Variants in SORT1 observed in about 807,000 individuals in gnomAD.
The protein encoded by SORT1 is sortilin 1, also known as sortilin.
In SORT1, 39 loss-of-function variants were observed where a neutral mutation model predicts 101.7. That is an observed-to-expected ratio of 0.38 (90% confidence interval 0.30 to 0.50). The LOEUF (loss-of-function observed/expected upper bound fraction) is 0.50. Ranked by LOEUF, SORT1 falls within the 20% of genes least tolerant of loss-of-function variation. The pLI is 0.90. For synonymous variants in SORT1, 396 were observed against 393.7 expected (o/e 1.01, Z -0.07); for missense variants, 878 against 1,040.4 (o/e 0.84, Z 2.15).
intron 10 of SORT1, among the ~76,000 whole-genome samples, chr1:109,338,647 A>G (rs531411030): frequency 6.6e-5 from 10 of 152,172 alleles, no homozygotes; most frequent in Non-Finnish European, 1.0e-4. Context: ...ACATCTCCCA[A>G]TATAGAAGAC....
intron 11 of SORT1, among the ~76,000 whole-genome samples, chr1:109,329,987 G>A (rs1648350027): frequency 6.6e-6 from 1 of 152,142 alleles, no homozygotes; most frequent in Non-Finnish European, 1.5e-5. Context: ...ATGTAAGACT[G>A]AAATCACCTC....
At position 109,393,717 on chromosome 1, in the gene SORT1, T is replaced by C. The variant is rs114947290; in HGVS notation, c.306+3870A>G. Reference sequence around the variant, plus strand: ...GAAGAGAGCATTTATAAATGATAGCTAATTGCTGAGTGCTAATTATGTGCC... The same window carrying C: ...GAAGAGAGCATTTATAAATGATAGCCAATTGCTGAGTGCTAATTATGTGCC... On this transcript the variant is annotated intron_variant, in intron 1 of 19. Coordinates refer to ENST00000256637, the MANE Select transcript of SORT1 (RefSeq NM_002959.7). Among the ~76,000 whole-genome samples the C allele has an allele frequency of 2.8e-3, 432 of 152,354 alleles. 5 individuals are homozygous for C. Among genetic ancestry groups the C allele is most frequent in the African/African-American group, 9.9e-3 (411 of 41,590 alleles).
intron 1 of SORT1, among the ~76,000 whole-genome samples, chr1:109,396,989 GA>G (rs1329526635): frequency 1.3e-5 from 2 of 152,318 alleles, no homozygotes; most frequent in Non-Finnish European, 2.9e-5. Context: ...CTTAACTATT[GA>G]AAATCTTGTC....
intron 18 of SORT1, 114 bp from the exon 19 acceptor site, chr1:109,314,498 G>T: frequency 7.6e-7 from 1 of 1,323,874 alleles, no homozygotes; most frequent in Non-Finnish European, 1.0e-6. Context: ...GACACAGAAA[G>T]CACAGTCCAT....
intron 3 of SORT1, among the ~76,000 whole-genome samples, chr1:109,363,344 C>T (rs573355366): frequency 6.6e-6 from 1 of 152,120 alleles, no homozygotes; most frequent in Non-Finnish European, 1.5e-5. Flanking sequence ...GAGAGACAAA[C>T]ATACTCTATA....
At chr1:109,341,014 C>T in intron 9 of SORT1, 135 bp from the exon 10 acceptor site, 1 of 652,168 alleles carries the variant, frequency 1.5e-6, no homozygotes, top group Non-Finnish European at 2.6e-6. Context: ...AAGACTCAGA[C>T]CTGAGAATTA....
chr1:109,377,959 T>C (rs1250007549), intron 1 of SORT1, among the ~76,000 whole-genome samples: 1 of 152,162 alleles, frequency 6.6e-6, no homozygotes, highest in Non-Finnish European at 1.5e-5. Flanking sequence ...AGGCTGAGTA[T>C]GGTGGTTCAT....
At chr1:109,391,651 TAGGTATGAGGAATCTGTC>T (rs1344785983) in intron 1 of SORT1, among the ~76,000 whole-genome samples, 5 of 152,226 alleles carry the variant, frequency 3.3e-5, no homozygotes, top group African/African-American at 1.2e-4. Flanking sequence ...AAAATTTTCA[TAGGTATGAGGAATCTGTC>T]ATGAACATTC....
intron 1 of SORT1, among the ~76,000 whole-genome samples, chr1:109,376,701 A>G (rs1651879199): frequency 6.6e-6 from 1 of 152,186 alleles, no homozygotes; most frequent in Admixed American, 6.5e-5. Context: ...CTGGGTACTC[A>G]TGGACATAAA....
chr1:109,394,418 G>C (rs1047676834), intron 1 of SORT1, among the ~76,000 whole-genome samples: 2 of 152,166 alleles, frequency 1.3e-5, no homozygotes, highest in East Asian at 3.9e-4. Context: ...GAAAAGAAAT[G>C]ATATGAGAAA....
At position 109,397,749 on chromosome 1, in the gene SORT1, C is replaced by CGGCAGCGGCGCAGCG; in HGVS notation, c.129_143dup (p.Ala44_Pro48dup). On this transcript the variant is annotated inframe_insertion, in exon 1 of 20. Coordinates refer to ENST00000256637, the MANE Select transcript of SORT1 (RefSeq NM_002959.7). ...TCACCCCGATGGGGCCAGACCAGCG[C>CGGCAGCGGCGCAGCG]GGCAGCGGCGCAGCGGGCGGCGGCG... The CGGCAGCGGCGCAGCG allele has an allele frequency of 8.3e-7, 1 of 1,198,420 alleles. No individual in the cohort carries two copies. Among genetic ancestry groups the CGGCAGCGGCGCAGCG allele is most frequent in the Non-Finnish European group, 1.0e-6 (1 of 966,184 alleles). 74.2% of individuals were successfully genotyped at this position (1,198,420 alleles called of 1,614,324 possible). A position where few individuals can be genotyped will look rare whatever the true frequency, so the allele number is the denominator to read the frequency against.
intron 8 of SORT1, among the ~76,000 whole-genome samples, chr1:109,344,969 T>C (rs1392201738): frequency 6.6e-6 from 1 of 152,080 alleles, no homozygotes; most frequent in African/African-American, 2.4e-5. Flanking sequence ...AGTCCTGAGA[T>C]TACAAGTGTG....
intron 8 of SORT1, 148 bp from the exon 9 acceptor site, chr1:109,342,306 C>A: frequency 1.5e-6 from 1 of 650,592 alleles, no homozygotes. Context: ...TACCAATTAC[C>A]AAAGCAATTT....
chr1:109,368,149 C>T (rs1362228384), intron 2 of SORT1, among the ~76,000 whole-genome samples: 3 of 152,094 alleles, frequency 2.0e-5, no homozygotes, highest in Non-Finnish European at 4.4e-5. Context: ...CAAAAATTAG[C>T]CGGGCGTGGT....
In SORT1 at chr1:109,389,593, G is replaced by A. The variant is rs78182717; in HGVS notation, c.306+7994C>T. 2.3e-4 allele frequency among the ~76,000 whole-genome samples: 35 copies of A among 152,280 alleles called. No homozygotes were observed. The East Asian group carries it at 6.8e-3, about 29-fold the overall frequency. On this transcript the variant is annotated intron_variant, in intron 1 of 19. Coordinates refer to ENST00000256637, the MANE Select transcript of SORT1 (RefSeq NM_002959.7). ...ATTCAAACCATTAAGCACATTATCA[G>A]CAAGAGTTCAACCTTATCCTTGTTC...
intron 1 of SORT1, among the ~76,000 whole-genome samples, chr1:109,391,110 T>C (rs1182840512): frequency 1.3e-5 from 2 of 152,144 alleles, no homozygotes; most frequent in Non-Finnish European, 2.9e-5. Context: ...CTATTCAAGC[T>C]AGTAGCTTTT....
intron 10 of SORT1, among the ~76,000 whole-genome samples, chr1:109,338,579 G>T (rs1018410404): frequency 4.6e-5 from 7 of 152,294 alleles, no homozygotes; most frequent in Non-Finnish European, 8.8e-5. Flanking sequence ...CTACTGCTAT[G>T]CACCCTTACC....
At chr1:109,340,396 T>C (rs141750805) in intron 10 of SORT1, among the ~76,000 whole-genome samples, 1 of 152,176 alleles carries the variant, frequency 6.6e-6, no homozygotes, top group African/African-American at 2.4e-5. Flanking sequence ...TTACCAGAGC[T>C]GGGTGACTGG....
chr1:109,397,855 C>A lies in SORT1; in HGVS notation c.38G>T (p.Arg13Leu), dbSNP rs1201618197. The part of the protein sequence containing the change: ...RPWGAADGLS[R>L]WPHGLGLLLL... Reference sequence around the variant, plus strand: ...GAGGAGGCCGAGGCCATGGGGCCAGCGCGAGAGGCCGTCCGCAGCTCCCCA... The same window carrying A: ...GAGGAGGCCGAGGCCATGGGGCCAGAGCGAGAGGCCGTCCGCAGCTCCCCA... The change falls in exon 1 of 20, where the codon CGC becomes CTC. Residue 13 changes from arginine (R) to leucine (L), a missense_variant. Physicochemically the swap from Arg to Leu is moderately radical, Grantham distance 102. Around this residue, in one of 2 missense-constraint regions of SORT1, gnomAD observed 194 missense variants for 145.9 expected, o/e 1.33. Transcript: ENST00000256637. 3.1e-6 allele frequency: 4 copies of A among 1,284,008 alleles called. No homozygotes were observed. Among genetic ancestry groups the A allele is most frequent in the Non-Finnish European group, 3.0e-6 (3 of 1,004,686 alleles). 79.5% of individuals were successfully genotyped at this position (1,284,008 alleles called of 1,614,324 possible).
Sources: allele counts gnomAD v4.1 joint callset (sites outside exome capture counted in the v4.1 genomes callset), GRCh38; gene constraint gnomAD v4.1.1; regional missense constraint gnomAD v4.1.1; transcripts MANE v1.5; gene names NCBI Gene and HGNC (gene_info 2026-07-23, HGNC 2026-07-21).